The following SMYD3 variants were observed in gnomAD, a reference collection of about 807,000 sequenced individuals.
SMYD3 encodes SET and MYND domain containing 3, also known as histone-lysine N-methyltransferase SMYD3.
Under a neutral mutation model 57.7 loss-of-function variants are expected in SMYD3, and 36 were observed. The ratio of observed to expected loss-of-function variants is 0.62; its 90% CI spans 0.48 to 0.82. SMYD3 has a LOEUF of 0.82. Among genes scored for constraint, SMYD3 ranks in the 40% least tolerant of loss-of-function variants. The pLI is 0.00. For synonymous variants in SMYD3, 211 were observed against 195.0 expected, an observed-to-expected ratio of 1.08 and a Z score of -0.68; for missense variants, 515 against 538.8, an observed-to-expected ratio of 0.96 and a Z score of 0.44.
rs535193470 is a variant in SMYD3 at position 246,120,007 on chromosome 1, G to A, written c.532-190070C>T. 1.1e-4 allele frequency among the ~76,000 whole-genome samples: 17 copies of A among 152,262 alleles called. No individual in the cohort carries two copies. In the East Asian group the frequency reaches 3.1e-3, roughly 28 times the overall value. ...GAAGACCCAAAGAAGCAGGGAAATT[G>A]GTCTATTTTTATGCTTAGGTCTGAC... On this transcript the variant is annotated intron_variant, in intron 5 of 11. Coordinates refer to ENST00000490107, the MANE Select transcript of SMYD3 (RefSeq NM_001167740.2).
intron 11 of SMYD3, among the ~76,000 whole-genome samples, chr1:245,758,484 G>A (rs2045702911): frequency 6.6e-6 from 1 of 152,004 alleles, no homozygotes. Context: ...GTCCCCTGAG[G>A]CACTGTTCAA....
At chr1:246,026,449 G>C (rs1350968695) in intron 5 of SMYD3, among the ~76,000 whole-genome samples, 1 of 152,172 alleles carries the variant, frequency 6.6e-6, no homozygotes, top group East Asian at 1.9e-4. Flanking sequence ...TTACTAGATA[G>C]AAGGTTTGTG....
intron 5 of SMYD3, among the ~76,000 whole-genome samples, chr1:245,987,873 T>C (rs1481350495): frequency 1.3e-5 from 2 of 152,186 alleles, no homozygotes; most frequent in Non-Finnish European, 2.9e-5. Context: ...CCAAACCTGT[T>C]TGTACTGGAG....
chr1:245,792,847 T>C (rs1380884333), intron 10 of SMYD3, among the ~76,000 whole-genome samples: 2 of 152,160 alleles, frequency 1.3e-5, no homozygotes, highest in African/African-American at 2.4e-5. Context: ...CGGGATTTTA[T>C]GCTGGCTCAG....
At chr1:246,264,976 A>G (rs1185647629) in intron 5 of SMYD3, among the ~76,000 whole-genome samples, 2 of 152,258 alleles carry the variant, frequency 1.3e-5, no homozygotes, top group Non-Finnish European at 1.5e-5. Context: ...TGAAGAAATA[A>G]AAAACTACAG....
chr1:246,488,541 C>A (rs1447023640), intron 1 of SMYD3, among the ~76,000 whole-genome samples: 5 of 152,258 alleles, frequency 3.3e-5, no homozygotes, highest in African/African-American at 1.2e-4. Flanking sequence ...ACAAAATTAG[C>A]CAGGTGTGGT....
intron 7 of SMYD3, among the ~76,000 whole-genome samples, chr1:245,924,151 A>C (rs780605069): frequency 6.6e-6 from 1 of 152,220 alleles, no homozygotes; most frequent in Non-Finnish European, 1.5e-5. Flanking sequence ...TGGCCTACCC[A>C]GCTTTCCTCC....
chr1:246,113,495 A>G (rs1268545863), intron 5 of SMYD3, among the ~76,000 whole-genome samples: 1 of 152,246 alleles, frequency 6.6e-6, no homozygotes, highest in Non-Finnish European at 1.5e-5. Flanking sequence ...GTTTGCTGAC[A>G]GATAAAATAG....
At chr1:246,225,701 C>G (rs769354813) in intron 5 of SMYD3, among the ~76,000 whole-genome samples, 8 of 152,156 alleles carry the variant, frequency 5.3e-5, no homozygotes, top group Non-Finnish European at 7.4e-5. Flanking sequence ...CTGAATAAAC[C>G]ATACGGATCT....
At chr1:245,837,553 G>T (rs557658881) in intron 10 of SMYD3, among the ~76,000 whole-genome samples, 67 of 152,300 alleles carry the variant, frequency 4.4e-4, no homozygotes, top group Non-Finnish European at 4.6e-4. Context: ...GCACAGAAAA[G>T]AAGCCTCTGC....
rs78358256 is a variant in SMYD3, at chr1:245,847,839, A to C, written c.1076+10657T>G. ...AAAAAAAATTGAACTACAATGGAAA[A>C]TGTCTTATTCTGGAAATGCTTTCAC... On this transcript the variant is annotated intron_variant, in intron 10 of 11. Transcript: ENST00000490107. Among the ~76,000 whole-genome samples, 1,265 of 152,340 alleles carry C rather than the reference A, an allele frequency of 8.3e-3. 31 individuals carry two copies. Among genetic ancestry groups the C allele is most frequent in the African/African-American group, 0.029 (1,200 of 41,574 alleles).
At chr1:246,464,362 A>T (rs2067852308) in intron 1 of SMYD3, among the ~76,000 whole-genome samples, 2 of 151,966 alleles carry the variant, frequency 1.3e-5, no homozygotes, top group Admixed American at 6.6e-5. Flanking sequence ...CTAAAAATTT[A>T]AAAACTTAGC....
At chr1:245,857,635 A>G (rs2051318859) in intron 10 of SMYD3, among the ~76,000 whole-genome samples, 1 of 147,104 alleles carries the variant, frequency 6.8e-6, no homozygotes, top group South Asian at 2.2e-4. Context: ...TCCTGGTCAC[A>G]GGTGCTTTCG....
chr1:246,282,505 C>CA lies in SMYD3; in HGVS notation c.531+44695dup, dbSNP rs1198831120. The stretch of plus-strand genomic sequence containing the variant: ...TAGGCAACAGGGCAAGACCCTGTCT[C>CA]AAAAAAATTAATAATAATTTTAAAA... On this transcript the variant is annotated intron_variant, in intron 5 of 11. Transcript: ENST00000490107. Among the ~76,000 whole-genome samples, 6 of 143,884 alleles carry CA rather than the reference C, an allele frequency of 4.2e-5. No homozygotes were observed. The East Asian group carries it at 6.0e-4, about 14-fold the overall frequency. The allele number at this position is 143,884 out of a possible 152,430, so 94.4% of individuals were successfully genotyped here.
intron 1 of SMYD3, among the ~76,000 whole-genome samples, chr1:246,428,192 C>G (rs1487847379): frequency 6.6e-6 from 1 of 152,104 alleles, no homozygotes; most frequent in Non-Finnish European, 1.5e-5. Flanking sequence ...AAAAATTGGT[C>G]TATGCAATAG....
chr1:245,860,304 T>G (rs560612422), intron 9 of SMYD3, among the ~76,000 whole-genome samples: 1 of 152,256 alleles, frequency 6.6e-6, no homozygotes, highest in South Asian at 2.1e-4. Flanking sequence ...GCTCACTGTT[T>G]ATGGTCCCCT....
At chr1:246,374,677 T>C (rs988980676) in intron 1 of SMYD3, among the ~76,000 whole-genome samples, 2 of 152,136 alleles carry the variant, frequency 1.3e-5, no homozygotes, top group African/African-American at 4.8e-5. Flanking sequence ...CAACAATATA[T>C]ATTAAATAAG....
intron 5 of SMYD3, among the ~76,000 whole-genome samples, chr1:246,299,916 G>T (rs1056691070): frequency 1.5e-4 from 17 of 109,844 alleles, no homozygotes; most frequent in African/African-American, 7.5e-4. Context: ...TAGGTACTAG[G>T]CTTAACACCT....
chr1:246,266,797 A>G (rs1483291871), intron 5 of SMYD3, among the ~76,000 whole-genome samples: 22 of 135,416 alleles, frequency 1.6e-4, no homozygotes, highest in Admixed American at 1.6e-3. Flanking sequence ...GAAAGAGAGA[A>G]AGAGAGAGAG....
Sources: allele counts gnomAD v4.1 joint callset (sites outside exome capture counted in the v4.1 genomes callset), GRCh38; gene constraint gnomAD v4.1.1; transcripts MANE v1.5; gene names NCBI Gene and HGNC (gene_info 2026-07-23, HGNC 2026-07-21).